KCNMA1: variants seen among roughly 807,000 people sequenced by gnomAD.
The protein encoded by KCNMA1 is potassium calcium-activated channel subfamily M alpha 1.
KCNMA1 carries 29 observed loss-of-function variants against 140.0 expected under a neutral mutation model. That is an observed-to-expected ratio of 0.21 (90% confidence interval 0.15 to 0.28). The LOEUF is 0.28. KCNMA1 is among the 10% of genes least tolerant of loss of function. The pLI, the probability that KCNMA1 is intolerant of heterozygous loss-of-function variation, is 1.00. For missense variants in KCNMA1, 880 were observed against 1,602.2 expected, an observed-to-expected ratio of 0.55 and a Z score of 7.70; for synonymous variants, 612 against 611.9, an observed-to-expected ratio of 1.00 and a Z score of 0.00.
intron 2 of KCNMA1, among the ~76,000 whole-genome samples, chr10:77,260,167 C>G (rs2061658327): frequency 6.6e-6 from 1 of 152,070 alleles, no homozygotes; most frequent in Non-Finnish European, 1.5e-5. Context: ...GGTCGAGGGT[C>G]TGAGACACAC....
At chr10:77,157,999 A>G (rs544672850) in intron 5 of KCNMA1, among the ~76,000 whole-genome samples, 56 of 152,342 alleles carry the variant, frequency 3.7e-4, no homozygotes, top group Admixed American at 2.8e-3. Flanking sequence ...ATTAAGAATC[A>G]GATCCAGAGA....
At chr10:77,560,663 T>C (rs1455933654) in intron 1 of KCNMA1, among the ~76,000 whole-genome samples, 2 of 152,194 alleles carry the variant, frequency 1.3e-5, no homozygotes, top group Admixed American at 6.5e-5. Context: ...TGGTCTCTAG[T>C]GCCATTGAGA....
chr10:77,126,265 G>T (rs2097730302), intron 5 of KCNMA1, among the ~76,000 whole-genome samples: 1 of 152,076 alleles, frequency 6.6e-6, no homozygotes, highest in Non-Finnish European at 1.5e-5. Context: ...AAAGCTTCCA[G>T]GTTCAGAGAG....
intron 2 of KCNMA1, among the ~76,000 whole-genome samples, chr10:77,384,685 C>G (rs1256739855): frequency 6.6e-6 from 1 of 152,172 alleles, no homozygotes; most frequent in Non-Finnish European, 1.5e-5. Flanking sequence ...TGAAACTGCC[C>G]CATCTCACCA....
intron 17 of KCNMA1, among the ~76,000 whole-genome samples, chr10:77,016,914 C>T (rs1190614415): frequency 2.0e-5 from 3 of 151,982 alleles, no homozygotes; most frequent in Non-Finnish European, 2.9e-5. Flanking sequence ...TCTACTTTTC[C>T]ATTTTTACAA....
intron 14 of KCNMA1, among the ~76,000 whole-genome samples, chr10:77,040,590 A>C (rs987639728): frequency 6.6e-6 from 1 of 152,218 alleles, no homozygotes; most frequent in South Asian, 2.1e-4. Context: ...AAGCCATAAA[A>C]AGAATTTAGG....
At chr10:77,069,706 CTT>C (rs1265875760) in intron 14 of KCNMA1, among the ~76,000 whole-genome samples, 1 of 152,170 alleles carries the variant, frequency 6.6e-6, no homozygotes, top group African/African-American at 2.4e-5. Flanking sequence ...AGGTTGGTAT[CTT>C]TGAGAGTGGC....
intron 15 of KCNMA1, among the ~76,000 whole-genome samples, chr10:77,036,301 T>C (rs949367446): frequency 1.3e-5 from 2 of 152,170 alleles, no homozygotes; most frequent in Non-Finnish European, 2.9e-5. Flanking sequence ...TGGCAGGACC[T>C]TCTGCCCCCA....
At chr10:77,117,177 T>C (rs2153920681) in intron 6 of KCNMA1, among the ~76,000 whole-genome samples, 1 of 152,140 alleles carries the variant, frequency 6.6e-6, no homozygotes, top group East Asian at 1.9e-4. Context: ...CAAAGTAGTG[T>C]GATGTGGAGG....
At chr10:77,358,336 G>C (rs180844208) in intron 2 of KCNMA1, among the ~76,000 whole-genome samples, 3 of 152,278 alleles carry the variant, frequency 2.0e-5, no homozygotes, top group African/African-American at 7.2e-5. Flanking sequence ...ATGGTAAAGA[G>C]TGGGATTCAC....
intron 2 of KCNMA1, among the ~76,000 whole-genome samples, chr10:77,316,436 C>G (rs552679533): frequency 6.6e-6 from 1 of 152,288 alleles, no homozygotes; most frequent in African/African-American, 2.4e-5. Flanking sequence ...GATTTACCAG[C>G]TTAAGTAGTT....
At chr10:76,980,000 T>C (rs2078936447) in intron 19 of KCNMA1, 1 of 152,226 alleles carries the variant, frequency 6.6e-6, no homozygotes, top group African/African-American at 2.4e-5. Flanking sequence ...TCTATAGATG[T>C]TCTTGAACTA....
At position 76,884,909 on chromosome 10, in the gene KCNMA1, C is replaced by A; in HGVS notation, c.*2357G>T. ...TGTAACTCCTTTTTTTTTAATTTCA[C>A]AAAAGTTTTCACAAGGACAACGTTA... On this transcript the variant is annotated 3_prime_UTR_variant, in exon 28 of 28. Coordinates refer to ENST00000286628, the MANE Select transcript of KCNMA1 (RefSeq NM_001161352.2). 6.9e-7 allele frequency: 1 copy of A among 1,448,122 alleles called. No individual in the cohort carries two copies. The highest frequency in any genetic ancestry group is 1.5e-5 in the South Asian group (1 of 65,754). 89.7% of individuals were successfully genotyped at this position (1,448,122 alleles called of 1,614,324 possible). A position where few individuals can be genotyped will look rare whatever the true frequency, so the allele number is the denominator to read the frequency against.
intron 5 of KCNMA1, among the ~76,000 whole-genome samples, chr10:77,164,522 CTT>C (rs113418170): frequency 4.8e-5 from 7 of 147,004 alleles, no homozygotes; most frequent in African/African-American, 1.5e-4. Flanking sequence ...ATTGATCTTT[CTT>C]TTTTTTTTTT....
chr10:77,337,330 G>A (rs1047484497), intron 2 of KCNMA1, among the ~76,000 whole-genome samples: 9 of 152,196 alleles, frequency 5.9e-5, no homozygotes, highest in Admixed American at 2.6e-4. Context: ...ACACTAGGCC[G>A]GGCATGGTGG....
At chr10:76,985,199 G>T (rs1192334925) in intron 19 of KCNMA1, among the ~76,000 whole-genome samples, 2 of 152,196 alleles carry the variant, frequency 1.3e-5, no homozygotes, top group African/African-American at 4.8e-5. Flanking sequence ...TAAAAACCTA[G>T]AATGTTAATT....
intron 16 of KCNMA1, chr10:77,019,468 C>T: frequency 4.0e-6 from 1 of 252,522 alleles, no homozygotes; most frequent in South Asian, 5.6e-5. Flanking sequence ...AACACGGAAG[C>T]ATTATTGGCC....
chr10:77,451,443 G>A (rs1003676245), intron 1 of KCNMA1, among the ~76,000 whole-genome samples: 6 of 152,186 alleles, frequency 3.9e-5, no homozygotes. Context: ...TCAAAGGAGA[G>A]TCCAGTCCAG....
chr10:77,077,725 C>T (rs987390974), intron 13 of KCNMA1: 5 of 152,200 alleles, frequency 3.3e-5, no homozygotes, highest in Admixed American at 6.5e-5. Context: ...AAGGAGAGCT[C>T]GTTGCTGCAG....
Sources: allele counts gnomAD v4.1 joint callset (sites outside exome capture counted in the v4.1 genomes callset), GRCh38; gene constraint gnomAD v4.1.1; transcripts MANE v1.5; gene names NCBI Gene and HGNC (gene_info 2026-07-23, HGNC 2026-07-21).